Variants in ZNF831 observed in about 807,000 individuals in gnomAD.
The protein encoded by ZNF831 is zinc finger protein 831.
A neutral mutation model predicts 95.8 loss-of-function variants in ZNF831; 59 were observed. The observed-to-expected ratio is 0.62, with a 90% confidence interval of 0.50 to 0.77. The LOEUF (loss-of-function observed/expected upper bound fraction) is 0.77, where lower values mean the gene tolerates loss of function less well. Ranked by LOEUF, ZNF831 falls within the 30% of genes least tolerant of loss-of-function variation. The probability of loss-of-function intolerance (pLI) is 0.00; values close to 1 mark genes in which losing one functional copy is unlikely to be tolerated. For synonymous variants in ZNF831, 961 were observed against 925.5 expected, an observed-to-expected ratio of 1.04 and a Z score of -0.70; for missense variants, 2,205 against 2,164.0, an observed-to-expected ratio of 1.02 and a Z score of -0.38.
At chr20:59,244,368 G>C (rs1987491651) in intron 4 of ZNF831, among the ~76,000 whole-genome samples, 4 of 152,154 alleles carry the variant, frequency 2.6e-5, no homozygotes. Context: ...ATTTATCTCT[G>C]TCTTTCAGCA....
chr20:59,256,832 C>T lies in ZNF831; in HGVS notation c.*2089C>T, dbSNP rs934447587. 6.6e-6 allele frequency: 1 copy of T among 152,208 alleles called. No homozygotes were observed. Among genetic ancestry groups the T allele is most frequent in the African/African-American group, 2.4e-5 (1 of 41,424 alleles). The allele number at this position is 152,208 out of a possible 1,614,324, so 9.4% of individuals were successfully genotyped here. ...TGAAGAAGCTCCATCTAATTTTTTC[C>T]CCAGAGTTCCAGATTTTAGGGTGCA... On this transcript the variant is annotated 3_prime_UTR_variant, in exon 6 of 6. Transcript: ENST00000371030.
intron 3 of ZNF831, among the ~76,000 whole-genome samples, chr20:59,201,933 G>A (rs1035363129): frequency 6.6e-6 from 1 of 152,184 alleles, no homozygotes; most frequent in Non-Finnish European, 1.5e-5. Context: ...AGCGGAAAAA[G>A]TATAGTCTTT....
rs1336768184 is a variant in ZNF831 at position 59,192,828 on chromosome 20, C to T, written c.1809C>T (p.Gly603=). Residue 603 remains glycine, a synonymous_variant, in exon 2 of 6, where the codon GGC becomes GGT. Transcript: ENST00000371030. The surrounding 1 kb of genome is among the most constrained non-coding windows in gnomAD (Gnocchi z 5.2). The part of the protein sequence containing the change: ...REAMAGKGRA[G]GRKCGQRRLK... ...CCATGGCCGGCAAGGGCAGAGCGGG[C>T]GGCAGGAAGTGCGGCCAGAGAAGGC... The T allele has an allele frequency of 6.2e-7, 1 of 1,608,192 alleles. No homozygotes were observed. Among genetic ancestry groups the T allele is most frequent in the Non-Finnish European group, 8.5e-7 (1 of 1,177,552 alleles).
At chr20:59,149,824 G>A (rs1980118044) in intron 2 of ZNF831, among the ~76,000 whole-genome samples, 1 of 152,234 alleles carries the variant, frequency 6.6e-6, no homozygotes, top group Non-Finnish European at 1.5e-5. Context: ...CTTTTTCTGT[G>A]GAATGTTCCA....
rs1432464505 is a variant in ZNF831 at position 59,191,343 on chromosome 20, G to A, written c.324G>A (p.Pro108=). Residue 108 remains proline, a synonymous_variant, in exon 2 of 6, where the codon CCG becomes CCA. Transcript: ENST00000371030. ...EGPGPTQVGK[P]AAPTLTVNIV... is the part of the protein sequence containing the mutation. The stretch of plus-strand genomic sequence containing the variant: ...CTGGCCCCACCCAGGTGGGGAAGCC[G>A]GCGGCCCCTACGCTGACGGTGAACA... 4 of 1,606,048 alleles carry A rather than the reference G, an allele frequency of 2.5e-6. No homozygotes were observed. Among genetic ancestry groups the A allele is most frequent in the Admixed American group, 1.7e-5 (1 of 59,336 alleles).
chr20:59,238,747 C>G (rs1987147394), intron 4 of ZNF831, among the ~76,000 whole-genome samples: 1 of 152,192 alleles, frequency 6.6e-6, no homozygotes, highest in Admixed American at 6.5e-5. Flanking sequence ...GGGTACATTT[C>G]TATGCTAAAA....
At chr20:59,250,050 G>A (rs952518331) in intron 4 of ZNF831, among the ~76,000 whole-genome samples, 1 of 152,152 alleles carries the variant, frequency 6.6e-6, no homozygotes. Flanking sequence ...AGGTGTGGCT[G>A]AAAACAAGAT....
chr20:59,213,529 C>A (rs1221865129), intron 4 of ZNF831, among the ~76,000 whole-genome samples: 1 of 152,196 alleles, frequency 6.6e-6, no homozygotes, highest in African/African-American at 2.4e-5. Context: ...CATCCAGGGG[C>A]CTAGCAATGT....
chr20:59,228,393 T>A (rs1488291112), intron 4 of ZNF831, among the ~76,000 whole-genome samples: 1 of 151,524 alleles, frequency 6.6e-6, no homozygotes, highest in South Asian at 2.1e-4. Flanking sequence ...GTTAGTTGGC[T>A]GCTGACAGCC....
intron 1 of ZNF831, among the ~76,000 whole-genome samples, chr20:59,144,008 A>G (rs1465796802): frequency 6.6e-6 from 1 of 152,190 alleles, no homozygotes; most frequent in African/African-American, 2.4e-5. Context: ...TTCTGTGCCC[A>G]TTTAACTCTG....
chr20:59,211,065 A>AAAAAAAAAAAAAAAAAAAAAAC (rs753979009), intron 4 of ZNF831, among the ~76,000 whole-genome samples: 1 of 77,580 alleles, frequency 1.3e-5, no homozygotes, highest in African/African-American at 8.0e-5. Context: ...AAAAAAAAAA[A>AAAAAAAAAAAAAAAAAAAAAAC]CAAATCCAAG....
At chr20:59,218,606 T>TTA (rs943199999) in intron 4 of ZNF831, among the ~76,000 whole-genome samples, 2 of 151,644 alleles carry the variant, frequency 1.3e-5, no homozygotes, top group Non-Finnish European at 2.9e-5. Flanking sequence ...TTTTTTTTTT[T>TTA]TATATATATA....
rs189735827 is a variant in ZNF831 at position 59,248,059 on chromosome 20, A to G, written c.4028-4919A>G. ...CACTTTAAGTGGCCTCTTCCTCTAAATGCAGTCTGGCAATTATTTCTGAGG... is the reference window on the plus strand; with the variant it reads ...CACTTTAAGTGGCCTCTTCCTCTAAGTGCAGTCTGGCAATTATTTCTGAGG... On this transcript the variant is annotated intron_variant, in intron 4 of 5. Transcript: ENST00000371030. 2.0e-5 allele frequency among the ~76,000 whole-genome samples: 3 copies of G among 152,346 alleles called. No individual in the cohort carries two copies. In the East Asian group the frequency reaches 5.8e-4, roughly 29 times the overall value.
intron 1 of ZNF831, among the ~76,000 whole-genome samples, chr20:59,190,605 G>A (rs1284617564): frequency 6.6e-6 from 1 of 152,224 alleles, no homozygotes; most frequent in Non-Finnish European, 1.5e-5. Flanking sequence ...TGAACAAGCT[G>A]CATGACTTTT....
intron 4 of ZNF831, among the ~76,000 whole-genome samples, chr20:59,250,431 C>G (rs1213105851): frequency 6.6e-6 from 1 of 152,268 alleles, no homozygotes; most frequent in South Asian, 2.1e-4. Flanking sequence ...AACAGGGCAA[C>G]CACATAACCT....
At chr20:59,131,911 T>C (rs866983152) in intron 1 of ZNF831, among the ~76,000 whole-genome samples, 1 of 152,272 alleles carries the variant, frequency 6.6e-6, no homozygotes, top group Non-Finnish European at 1.5e-5. Context: ...GTTTTCATTG[T>C]ACTTTTTTTC....
chr20:59,248,393 T>C (rs1987721700), intron 4 of ZNF831, among the ~76,000 whole-genome samples: 1 of 152,218 alleles, frequency 6.6e-6, no homozygotes, highest in African/African-American at 2.4e-5. Flanking sequence ...CCAAATCAGT[T>C]TAACACACTT....
At chr20:59,130,914 T>C (rs1176553688) in intron 1 of ZNF831, among the ~76,000 whole-genome samples, 1 of 152,164 alleles carries the variant, frequency 6.6e-6, no homozygotes, top group East Asian at 1.9e-4. Flanking sequence ...TGTGAGCCCC[T>C]GTTTCCTCAT....
At position 59,191,164 on chromosome 20, in the gene ZNF831, G is replaced by C. The variant is rs570895195; in HGVS notation, c.145G>C (p.Ala49Pro). ...PVLLPPEQGLAPPTVFLKALP... is the reference protein window; with the variant it reads ...PVLLPPEQGLPPPTVFLKALP... ...CCTTCTGCCGCCAGAGCAGGGCCTG[G>C]CCCCCCCCACTGTGTTCCTGAAGGC... Residue 49 changes from alanine (A) to proline (P), a missense_variant, in exon 2 of 6, where the codon GCC becomes CCC. Ala to Pro is a conservative substitution (Grantham distance 27). Coordinates refer to ENST00000371030, the MANE Select transcript of ZNF831 (RefSeq NM_178457.3). 100 of 1,598,580 alleles carry C rather than the reference G, an allele frequency of 6.3e-5. No individual in the cohort carries two copies. In the Middle Eastern group the frequency reaches 1.3e-3, roughly 21 times the overall value.
Sources: allele counts gnomAD v4.1 joint callset (sites outside exome capture counted in the v4.1 genomes callset), GRCh38; gene constraint gnomAD v4.1.1; non-coding constraint Gnocchi (gnomAD v3.1); transcripts MANE v1.5; gene names NCBI Gene and HGNC (gene_info 2026-07-23, HGNC 2026-07-21).